The following TRA2B variants were observed in gnomAD, a reference collection of about 807,000 sequenced individuals.
The protein encoded by TRA2B is transformer-2 protein homolog beta.
In TRA2B, 14 loss-of-function variants were observed where a neutral mutation model predicts 41.7. The ratio of observed to expected loss-of-function variants is 0.34; its 90% CI spans 0.22 to 0.53. The LOEUF is 0.53. Among genes scored for constraint, TRA2B ranks in the 20% least tolerant of loss-of-function variants. TRA2B has a pLI of 0.95. For synonymous variants in TRA2B, 130 were observed against 128.8 expected (o/e 1.01, Z -0.06); for missense variants, 167 against 396.8 (o/e 0.42, Z 4.92).
intron 1 of TRA2B, among the ~76,000 whole-genome samples, chr3:185,929,981 G>A (rs1210955381): frequency 6.6e-6 from 1 of 152,110 alleles, no homozygotes; most frequent in East Asian, 1.9e-4. Context: ...CTGTTCTCAG[G>A]AACAGAAGCC....
At position 185,923,889 on chromosome 3, in the gene TRA2B, G is replaced by A; in HGVS notation, c.429C>T (p.Pro143=). The A allele has an allele frequency of 6.2e-7, 1 of 1,614,098 alleles. No homozygotes were observed. The highest frequency in any genetic ancestry group is 1.1e-5 in the South Asian group (1 of 91,084). Residue 143 remains proline (P), a synonymous_variant, in exon 4 of 9, where the codon CCC becomes CCT. Transcript: ENST00000453386. The part of the protein sequence containing the change: ...DLREVFSKYG[P]IADVSIVYDQ... The stretch of plus-strand genomic sequence containing the variant: ...CATATACAATAGACACATCGGCAAT[G>A]GGACCATATTTAGAGAACACTTCTC...
rs772290932 is a variant in TRA2B, at chr3:185,937,981, C to A, written c.-121G>T. 2.6e-6 allele frequency: 3 copies of A among 1,160,280 alleles called. No individual in the cohort carries two copies. The highest frequency in any genetic ancestry group is 3.7e-6 in the Non-Finnish European group (3 of 801,520). The allele number at this position is 1,160,280 out of a possible 1,614,324, so 71.9% of individuals were successfully genotyped here. ...GCGCCGGTCGCCCAGCCGCTCAGAG[C>A]CGAAATGCTCCGCACCGCCTCCGCA... On this transcript the variant is annotated 5_prime_UTR_variant, in exon 1 of 9. Coordinates refer to ENST00000453386, the MANE Select transcript of TRA2B (RefSeq NM_004593.3).
At chr3:185,937,169 C>T in intron 1 of TRA2B, 1 of 985,624 alleles carries the variant, frequency 1.0e-6, no homozygotes, top group Non-Finnish European at 1.2e-6. Context: ...TTAGGCCAAA[C>T]ACAAAGCCCT....
In TRA2B at chr3:185,938,004, G is replaced by T. The variant is rs540029638; in HGVS notation, c.-144C>A. On this transcript the variant is annotated 5_prime_UTR_variant, in exon 1 of 9. Transcript: ENST00000453386. ...AGCCGAAATGCTCCGCACCGCCTCC[G>T]CACGGGCTCTAACTCTACCGGATGT... The T allele has an allele frequency of 2.8e-5, 25 of 906,346 alleles. No homozygotes were observed. Among genetic ancestry groups the T allele is most frequent in the Non-Finnish European group, 4.3e-5 (25 of 585,936 alleles). 56.1% of individuals were successfully genotyped at this position (906,346 alleles called of 1,614,324 possible).
chr3:185,919,848 G>A (rs1263476993), intron 6 of TRA2B, among the ~76,000 whole-genome samples: 1 of 152,000 alleles, frequency 6.6e-6, no homozygotes, highest in Non-Finnish European at 1.5e-5. Flanking sequence ...TACACTTACA[G>A]ACTCACTTTC....
chr3:185,914,563 G>A lies in TRA2B; in HGVS notation c.*3152C>T, dbSNP rs1427569705. On this transcript the variant is annotated 3_prime_UTR_variant, in exon 9 of 9. Transcript: ENST00000453386. ...GGAATAGAACCAATCCAGTATTCTT[G>A]TCACTTTTAAGTCTTTACATTATAT... is the stretch of plus-strand genomic sequence containing the variant. Among the ~76,000 whole-genome samples, 2 of 152,074 alleles carry A rather than the reference G, an allele frequency of 1.3e-5. No individual in the cohort carries two copies. The highest frequency in any genetic ancestry group is 4.8e-5 in the African/African-American group (2 of 41,408).
intron 5 of TRA2B, among the ~76,000 whole-genome samples, chr3:185,921,698 A>G (rs2150112846): frequency 6.6e-6 from 1 of 152,250 alleles, no homozygotes; most frequent in East Asian, 1.9e-4. Context: ...CAGGAGGCGA[A>G]GGTTGCAGTG....
chr3:185,927,612 A>G (rs1009311008), intron 1 of TRA2B: 3 of 152,220 alleles, frequency 2.0e-5, no homozygotes, highest in East Asian at 1.9e-4. Flanking sequence ...TACAAAAGCC[A>G]AAGTTTAGGT....
chr3:185,916,498 CA>C lies in TRA2B; in HGVS notation c.*1216del. 1 of 152,274 alleles carries C rather than the reference CA, an allele frequency of 6.6e-6. No homozygotes were observed. Among genetic ancestry groups the C allele is most frequent in the South Asian group, 2.1e-4 (1 of 4,826 alleles). 9.4% of individuals were successfully genotyped at this position (152,274 alleles called of 1,614,324 possible). A position where few individuals can be genotyped will look rare whatever the true frequency, so the allele number is the denominator to read the frequency against. ...TTACTTAAATGCAAAATAATAAGAA[CA>C]TGTATTAAAGTACCCGCAGTCTAGT... On this transcript the variant is annotated 3_prime_UTR_variant, in exon 9 of 9. Transcript: ENST00000453386.
At chr3:185,929,647 C>G (rs894901595) in intron 1 of TRA2B, among the ~76,000 whole-genome samples, 2 of 152,170 alleles carry the variant, frequency 1.3e-5, no homozygotes, top group African/African-American at 4.8e-5. Flanking sequence ...TAATCCACAT[C>G]TCCCTATTCT....
At chr3:185,922,266 C>T in intron 4 of TRA2B, 140 bp from the exon 5 acceptor site, 1 of 509,292 alleles carries the variant, frequency 2.0e-6, no homozygotes. Context: ...AGGTCTACAA[C>T]TTACAAATGT....
intron 1 of TRA2B, chr3:185,935,824 ACAC>A: frequency 1.0e-6 from 1 of 985,414 alleles, no homozygotes; most frequent in Non-Finnish European, 1.2e-6. Flanking sequence ...CAAACACCAA[ACAC>A]AACAATATGG....
At chr3:185,926,369 C>T (rs190306009) in intron 2 of TRA2B, among the ~76,000 whole-genome samples, 2 of 152,240 alleles carry the variant, frequency 1.3e-5, no homozygotes. Flanking sequence ...TATAAAGAAG[C>T]TAAAGCTGAA....
At chr3:185,921,008 A>C in intron 6 of TRA2B, 96 bp downstream of exon 6, 1 of 1,055,468 alleles carries the variant, frequency 9.5e-7, no homozygotes, top group Middle Eastern at 2.1e-4. Context: ...AAAAGTACTA[A>C]AGCAAAGCTT....
chr3:185,931,088 G>A (rs967856986), intron 1 of TRA2B, among the ~76,000 whole-genome samples: 2 of 152,170 alleles, frequency 1.3e-5, no homozygotes, highest in Non-Finnish European at 2.9e-5. Context: ...AATGCCAAAG[G>A]GAACTATTTT....
chr3:185,924,087 G>C (rs764675568), intron 3 of TRA2B, 103 bp from the exon 4 acceptor site: 289 of 1,004,022 alleles, frequency 2.9e-4, no homozygotes, highest in Non-Finnish European at 3.9e-4. Flanking sequence ...AACAAGAAAA[G>C]TACATAATGA....
At position 185,935,076 on chromosome 3, in the gene TRA2B, C is replaced by T. The variant is rs181176989; in HGVS notation, c.36+2749G>A. The T allele has an allele frequency of 4.7e-5, 46 of 985,400 alleles. No homozygotes were observed. In the Middle Eastern group the frequency reaches 1.6e-3, roughly 34 times the overall value. The allele number at this position is 985,400 out of a possible 1,614,324, so 61.0% of individuals were successfully genotyped here. A position where few individuals can be genotyped will look rare whatever the true frequency, so the allele number is the denominator to read the frequency against. On this transcript the variant is annotated intron_variant, in intron 1 of 8. Transcript: ENST00000453386. ...TCTCACACAACCTATACGCTGTGACCATTATTGGGCTCTAAAGATTACCCT... is the reference window on the plus strand; with the variant it reads ...TCTCACACAACCTATACGCTGTGACTATTATTGGGCTCTAAAGATTACCCT...
intron 1 of TRA2B, chr3:185,937,012 T>C (rs968909929): frequency 1.4e-5 from 14 of 985,256 alleles, no homozygotes; most frequent in African/African-American, 1.7e-5. Flanking sequence ...GCGCCGTAAA[T>C]GGTTGCCCGC....
In TRA2B at chr3:185,915,357, A is replaced by G. The variant is rs1245630235; in HGVS notation, c.*2358T>C. Reference sequence around the variant, plus strand: ...AAATGGATTGTTTGTATTGGCATATAAAAGCCTCCAAGTCCCTTTGCCTTG... The same window carrying G: ...AAATGGATTGTTTGTATTGGCATATGAAAGCCTCCAAGTCCCTTTGCCTTG... On this transcript the variant is annotated 3_prime_UTR_variant, in exon 9 of 9. Transcript: ENST00000453386. 1.3e-5 allele frequency among the ~76,000 whole-genome samples: 2 copies of G among 152,236 alleles called. No individual in the cohort carries two copies. The highest frequency in any genetic ancestry group is 2.9e-5 in the Non-Finnish European group (2 of 68,036).
Sources: allele counts gnomAD v4.1 joint callset (sites outside exome capture counted in the v4.1 genomes callset), GRCh38; gene constraint gnomAD v4.1.1; transcripts MANE v1.5; gene names NCBI Gene and HGNC (gene_info 2026-07-23, HGNC 2026-07-21).